The following MYO1E variants were observed in gnomAD, a reference collection of about 807,000 sequenced individuals.
The protein encoded by MYO1E is unconventional myosin-Ie.
MYO1E carries 68 observed loss-of-function variants against 151.1 expected under a neutral mutation model. The observed-to-expected ratio is 0.45, with a 90% confidence interval of 0.37 to 0.55. MYO1E has a LOEUF of 0.55. Ranked by LOEUF, MYO1E falls within the 20% of genes least tolerant of loss-of-function variation. The probability of loss-of-function intolerance (pLI) is 0.00; values close to 1 mark genes in which losing one functional copy is unlikely to be tolerated. For synonymous variants in MYO1E, 601 were observed against 501.7 expected (o/e 1.20, Z -2.64); for missense variants, 1,363 against 1,389.3 (o/e 0.98, Z 0.30).
chr15:59,293,755 T>G (rs1362813366), intron 1 of MYO1E, among the ~76,000 whole-genome samples: 2 of 152,066 alleles, frequency 1.3e-5, no homozygotes, highest in Non-Finnish European at 2.9e-5. Context: ...AAAACCCTGA[T>G]ATATGGGCCA....
chr15:59,372,627 G>T lies in MYO1E; in HGVS notation c.-127C>A, dbSNP rs912456810. On this transcript the variant is annotated 5_prime_UTR_variant, in exon 1 of 28. Transcript: ENST00000288235. ...CCAAAAACAGGCTCCCGACACCCAAGCACTCACAGGAGCCAATGGGAACCC... is the reference window on the plus strand; with the variant it reads ...CCAAAAACAGGCTCCCGACACCCAATCACTCACAGGAGCCAATGGGAACCC... 1.6e-6 allele frequency: 2 copies of T among 1,242,438 alleles called. No individual in the cohort carries two copies. The highest frequency in any genetic ancestry group is 2.2e-6 in the Non-Finnish European group (2 of 899,600). The allele number at this position is 1,242,438 out of a possible 1,614,324, so 77.0% of individuals were successfully genotyped here. A position where few individuals can be genotyped will look rare whatever the true frequency, so the allele number is the denominator to read the frequency against.
chr15:59,153,858 C>G, intron 25 of MYO1E, 67 bp from the exon 26 acceptor site: 1 of 1,441,070 alleles, frequency 6.9e-7, no homozygotes, highest in Non-Finnish European at 9.8e-7. Context: ...AGTCTCTCCA[C>G]ATTTCTTCCA....
chr15:59,245,169 C>G (rs779027803), intron 4 of MYO1E, among the ~76,000 whole-genome samples: 1 of 152,144 alleles, frequency 6.6e-6, no homozygotes, highest in Non-Finnish European at 1.5e-5. Flanking sequence ...TGAAAAGCGT[C>G]CCCATGCTAA....
intron 1 of MYO1E, among the ~76,000 whole-genome samples, chr15:59,327,981 C>T (rs1018245877): frequency 6.6e-6 from 1 of 152,148 alleles, no homozygotes; most frequent in Non-Finnish European, 1.5e-5. Context: ...ACTTCGGAAG[C>T]TGTGTTAAAA....
intron 4 of MYO1E, among the ~76,000 whole-genome samples, chr15:59,255,297 T>C (rs139849233): frequency 0.016 from 2,506 of 152,224 alleles, 84 homozygotes; most frequent in African/African-American, 0.057. Context: ...TTATATTTTT[T>C]TGTAGAGATG....
At chr15:59,316,690 C>T (rs529264869) in intron 1 of MYO1E, among the ~76,000 whole-genome samples, 2 of 152,094 alleles carry the variant, frequency 1.3e-5, no homozygotes, top group Non-Finnish European at 2.9e-5. Context: ...TTGTCATGTA[C>T]GGATTAGACA....
intron 19 of MYO1E, among the ~76,000 whole-genome samples, chr15:59,177,474 G>A (rs1207518654): frequency 6.6e-6 from 1 of 152,166 alleles, no homozygotes; most frequent in African/African-American, 2.4e-5. Flanking sequence ...GTTCCCATAT[G>A]ATTTCCCCTT....
chr15:59,312,190 G>A (rs972348306), intron 1 of MYO1E, among the ~76,000 whole-genome samples: 6 of 152,280 alleles, frequency 3.9e-5, no homozygotes, highest in Admixed American at 6.5e-5. Context: ...AGGGATGATC[G>A]TGTTCACAAA....
chr15:59,233,176 G>C (rs2080038888), intron 5 of MYO1E, among the ~76,000 whole-genome samples: 1 of 152,014 alleles, frequency 6.6e-6, no homozygotes, highest in South Asian at 2.1e-4. Flanking sequence ...CTCTCAGGAA[G>C]AGAACAAAAG....
At chr15:59,282,995 A>T (rs2080366214) in intron 1 of MYO1E, among the ~76,000 whole-genome samples, 1 of 110,668 alleles carries the variant, frequency 9.0e-6, no homozygotes, top group Non-Finnish European at 1.9e-5. Context: ...GGAAAGGGGA[A>T]AGGGAAAGGC....
chr15:59,145,367 C>A (rs1188561817), intron 26 of MYO1E, among the ~76,000 whole-genome samples: 1 of 152,184 alleles, frequency 6.6e-6, no homozygotes, highest in African/African-American at 2.4e-5. Context: ...AGTTGTCAAA[C>A]ATGGCCATTA....
In MYO1E at chr15:59,208,863, A is replaced by C. The variant is rs1396792477; in HGVS notation, c.1363-15T>G. ...CCAGGAGGGTTCTGATGGGAGCAAG[A>C]AGGCAAGGCCCTAGTCACTGACCTC... On this transcript the variant is annotated splice_polypyrimidine_tract_variant and intron_variant, in intron 13 of 27. Transcript: ENST00000288235. The C allele has an allele frequency of 1.2e-6, 2 of 1,613,890 alleles. No homozygotes were observed. Among genetic ancestry groups the C allele is most frequent in the East Asian group, 2.2e-5 (1 of 44,900 alleles).
intron 1 of MYO1E, among the ~76,000 whole-genome samples, chr15:59,323,381 C>G (rs1481115252): frequency 6.6e-6 from 1 of 151,880 alleles, no homozygotes; most frequent in Admixed American, 6.6e-5. Context: ...GGGCCAGGCA[C>G]AGTGGCTCAC....
chr15:59,200,897 C>G (rs1430495885), intron 16 of MYO1E, among the ~76,000 whole-genome samples: 11 of 152,132 alleles, frequency 7.2e-5, no homozygotes, highest in African/African-American at 2.2e-4. Context: ...GGCAAGCACA[C>G]AGCGAGGAAA....
At chr15:59,148,257 A>T (rs1025278050) in intron 26 of MYO1E, among the ~76,000 whole-genome samples, 2 of 152,192 alleles carry the variant, frequency 1.3e-5, no homozygotes, top group Non-Finnish European at 2.9e-5. Context: ...TGAATAAAAG[A>T]AAAAGGAAAG....
At chr15:59,155,890 G>A (rs1289482864) in intron 25 of MYO1E, among the ~76,000 whole-genome samples, 1 of 152,086 alleles carries the variant, frequency 6.6e-6, no homozygotes, top group Non-Finnish European at 1.5e-5. Flanking sequence ...GGGGAGGGGA[G>A]ACAGACTCTC....
intron 26 of MYO1E, among the ~76,000 whole-genome samples, chr15:59,139,790 C>G (rs542963173): frequency 3.3e-5 from 5 of 151,542 alleles, no homozygotes; most frequent in Non-Finnish European, 7.4e-5. Flanking sequence ...CACTTCCCTC[C>G]GACCTGCTCA....
chr15:59,201,974 A>C (rs77149633), intron 16 of MYO1E, among the ~76,000 whole-genome samples: 6,695 of 152,296 alleles, frequency 0.044, 189 homozygotes, highest in Middle Eastern at 0.082. Flanking sequence ...CTGGCCTGGT[A>C]AACTGTCAAC....
intron 10 of MYO1E, among the ~76,000 whole-genome samples, chr15:59,215,609 T>C (rs2079908655): frequency 1.3e-5 from 2 of 152,202 alleles, no homozygotes; most frequent in South Asian, 4.1e-4. Flanking sequence ...GATGAATACC[T>C]GGACGAATTC....
Sources: allele counts gnomAD v4.1 joint callset (sites outside exome capture counted in the v4.1 genomes callset), GRCh38; gene constraint gnomAD v4.1.1; transcripts MANE v1.5; gene names NCBI Gene and HGNC (gene_info 2026-07-23, HGNC 2026-07-21).